The following ADGRF3 variants were observed in gnomAD, a reference collection of about 807,000 sequenced individuals.
ADGRF3 encodes adhesion G protein-coupled receptor F3, also known as G protein-coupled receptor 113.
Under a neutral mutation model 93.2 loss-of-function variants are expected in ADGRF3, and 85 were observed. The ratio of observed to expected loss-of-function variants is 0.91; its 90% CI spans 0.77 to 1.09. The LOEUF (loss-of-function observed/expected upper bound fraction) is 1.09. Among genes scored for constraint, ADGRF3 ranks in the 50% least tolerant of loss-of-function variants. The pLI is 0.00. For synonymous variants in ADGRF3, 534 were observed against 532.5 expected, an observed-to-expected ratio of 1.00 and a Z score of -0.04; for missense variants, 1,125 against 1,246.2, an observed-to-expected ratio of 0.90 and a Z score of 1.46.
At chr2:26,309,273 A>G (rs1673820846) in intron 13 of ADGRF3, 166 bp from the exon 14 acceptor site, 39 of 1,569,608 alleles carry the variant, frequency 2.5e-5, no homozygotes, top group Non-Finnish European at 3.2e-5. Flanking sequence ...AACCAAGTCA[A>G]GGACTGGTGG....
At chr2:26,342,244 T>C (rs1676441854) in intron 1 of ADGRF3, among the ~76,000 whole-genome samples, 1 of 152,182 alleles carries the variant, frequency 6.6e-6, no homozygotes, top group South Asian at 2.1e-4. Context: ...CTCTATACAA[T>C]TGGAACAGCC....
At chr2:26,346,071 G>C in intron 1 of ADGRF3, 50 bp downstream of exon 1, 1 of 1,519,246 alleles carries the variant, frequency 6.6e-7, no homozygotes, top group Non-Finnish European at 8.8e-7. Flanking sequence ...GGCGGCCGAA[G>C]GGGCCGAGGC....
At chr2:26,338,163 C>T (rs1574733500) in intron 1 of ADGRF3, among the ~76,000 whole-genome samples, 1 of 152,132 alleles carries the variant, frequency 6.6e-6, no homozygotes, top group Non-Finnish European at 1.5e-5. Context: ...AAATATTCCA[C>T]ACCTTCACAG....
rs922692690 is a variant in ADGRF3, at chr2:26,308,283, C to A, written c.*803G>T. On this transcript the variant is annotated 3_prime_UTR_variant, in exon 14 of 14. Coordinates refer to ENST00000651242, the MANE Select transcript of ADGRF3 (RefSeq NM_001321971.2). ...AGACCGATTCATCAGACTTTTTTCA[C>A]GTATCTAGTTTAAAAATTTCTCAGA... 1 of 152,034 alleles carries A rather than the reference C, an allele frequency of 6.6e-6. No individual in the cohort carries two copies. Among genetic ancestry groups the A allele is most frequent in the Non-Finnish European group, 1.5e-5 (1 of 68,000 alleles). The allele number at this position is 152,034 out of a possible 1,614,324, so 9.4% of individuals were successfully genotyped here. A position where few individuals can be genotyped will look rare whatever the true frequency, so the allele number is the denominator to read the frequency against.
At chr2:26,320,584 A>G (rs759728148) in intron 1 of ADGRF3, among the ~76,000 whole-genome samples, 1 of 152,224 alleles carries the variant, frequency 6.6e-6, no homozygotes, top group Non-Finnish European at 1.5e-5. Context: ...AAACAAGAAG[A>G]TACTATTTCT....
At chr2:26,326,573 G>T (rs1675445452) in intron 1 of ADGRF3, among the ~76,000 whole-genome samples, 1 of 152,136 alleles carries the variant, frequency 6.6e-6, no homozygotes, top group Admixed American at 6.5e-5. Context: ...ATACAAGTAA[G>T]TAGATTTTAT....
At chr2:26,318,801 A>C in intron 1 of ADGRF3, 16 of 1,155,310 alleles carry the variant, frequency 1.4e-5, no homozygotes, top group Non-Finnish European at 1.8e-5. Flanking sequence ...CTGAGTTCTC[A>C]GAGATCTCAT....
At chr2:26,315,115 G>A (rs1674537072) in intron 5 of ADGRF3, among the ~76,000 whole-genome samples, 2 of 152,202 alleles carry the variant, frequency 1.3e-5, no homozygotes. Context: ...ATCTGCATTT[G>A]CATTCAATCT....
chr2:26,345,868 T>A (rs1676700739), intron 1 of ADGRF3: 1 of 501,822 alleles, frequency 2.0e-6, no homozygotes, highest in Admixed American at 3.5e-5. Context: ...TCACCCCCTC[T>A]CTTGCCTTAC....
At chr2:26,318,911 G>A (rs759468889) in intron 1 of ADGRF3, 1 of 1,550,866 alleles carries the variant, frequency 6.4e-7, no homozygotes, top group Non-Finnish European at 8.7e-7. Context: ...CCAATCAGGG[G>A]TCCCCATTGT....
chr2:26,334,683 A>G (rs954632301), intron 1 of ADGRF3, among the ~76,000 whole-genome samples: 3 of 152,188 alleles, frequency 2.0e-5, no homozygotes, highest in African/African-American at 7.2e-5. Flanking sequence ...GGTTATCCTA[A>G]CAAGCATTCT....
Position 26,316,300 on chromosome 2 carries a change from G to A in ADGRF3, c.474C>T (p.Pro158=), listed in dbSNP as rs762251162. 5.3e-5 allele frequency: 83 copies of A among 1,551,696 alleles called. No individual in the cohort carries two copies. The highest frequency in any genetic ancestry group is 1.6e-4 in the African/African-American group (12 of 73,066). The change falls in exon 4 of 14, where the codon CCC becomes CCT. Residue 158 remains proline, a synonymous_variant. Transcript: ENST00000651242. ...CGCLVFSHPE[P]GYCQLLPPVP... Reference sequence around the variant, plus strand: ...CAGGTGGCAGCAACTGGCAGTACCCGGGTTCGGGATGGCTGAAGACAAGGC... The same window carrying A: ...CAGGTGGCAGCAACTGGCAGTACCCAGGTTCGGGATGGCTGAAGACAAGGC...
At chr2:26,309,698 T>C in intron 12 of ADGRF3, 117 bp from the exon 13 acceptor site, 1 of 1,424,918 alleles carries the variant, frequency 7.0e-7, no homozygotes, top group Non-Finnish European at 9.6e-7. Flanking sequence ...GCTGCAGGAA[T>C]CCTAGAAATT....
At chr2:26,332,837 G>T (rs1178152397) in intron 1 of ADGRF3, among the ~76,000 whole-genome samples, 2 of 151,956 alleles carry the variant, frequency 1.3e-5, no homozygotes, top group Non-Finnish European at 2.9e-5. Flanking sequence ...GGCTGGTCTT[G>T]AACTCCTGGT....
chr2:26,346,412 C>A lies in ADGRF3; in HGVS notation c.-178G>T. 1 of 1,219,532 alleles carries A rather than the reference C, an allele frequency of 8.2e-7. No individual in the cohort carries two copies. Among genetic ancestry groups the A allele is most frequent in the Non-Finnish European group, 1.1e-6 (1 of 916,326 alleles). The allele number at this position is 1,219,532 out of a possible 1,614,324, so 75.5% of individuals were successfully genotyped here. On this transcript the variant is annotated 5_prime_UTR_variant, in exon 1 of 14. Coordinates refer to ENST00000651242, the MANE Select transcript of ADGRF3 (RefSeq NM_001321971.2). Reference sequence around the variant, plus strand: ...GGCTCCGGGCGGGCTGGCGGGCGTTCCTCCGGAGGTCCTGCGGGTCCTGGG... The same window carrying A: ...GGCTCCGGGCGGGCTGGCGGGCGTTACTCCGGAGGTCCTGCGGGTCCTGGG...
chr2:26,308,853 A>C lies in ADGRF3; in HGVS notation c.*233T>G. 1.9e-6 allele frequency: 1 copy of C among 516,298 alleles called. No individual in the cohort carries two copies. 32.0% of individuals were successfully genotyped at this position (516,298 alleles called of 1,614,324 possible). ...TTATTTCTGGAGCAAAGGCAGGCTT[A>C]TTCATTAGGTGCCTTTAGCTAATTT... On this transcript the variant is annotated 3_prime_UTR_variant, in exon 14 of 14. Transcript: ENST00000651242.
chr2:26,336,661 G>A (rs1676058468), intron 1 of ADGRF3, among the ~76,000 whole-genome samples: 1 of 149,018 alleles, frequency 6.7e-6, no homozygotes, highest in Admixed American at 6.7e-5. Flanking sequence ...AGGAGGTGGA[G>A]GTTGCAGTGA....
chr2:26,310,277 A>T, intron 10 of ADGRF3, 40 bp from the exon 11 acceptor site: 1 of 1,609,366 alleles, frequency 6.2e-7, no homozygotes, highest in Non-Finnish European at 8.5e-7. Flanking sequence ...TCAAGGAGGA[A>T]GGGATCCACC....
rs374885087 is a variant in ADGRF3 at position 26,339,046 on chromosome 2, C to T, written c.114+7075G>A. Among the ~76,000 whole-genome samples the T allele has an allele frequency of 2.4e-4, 31 of 128,204 alleles. 1 individual carries two copies. In the South Asian group the frequency reaches 6.2e-3, roughly 26 times the overall value. The allele number at this position is 128,204 out of a possible 152,430, so 84.1% of individuals were successfully genotyped here. A position where few individuals can be genotyped will look rare whatever the true frequency, so the allele number is the denominator to read the frequency against. ...AGAACAATTGCTTGAACCCAGGAGG[C>T]GGAGGTTGCAGTGAGCCAAGATTGC... is the stretch of plus-strand genomic sequence containing the variant. On this transcript the variant is annotated intron_variant, in intron 1 of 13. Coordinates refer to ENST00000651242, the MANE Select transcript of ADGRF3 (RefSeq NM_001321971.2).
Sources: allele counts gnomAD v4.1 joint callset (sites outside exome capture counted in the v4.1 genomes callset), GRCh38; gene constraint gnomAD v4.1.1; transcripts MANE v1.5; gene names NCBI Gene and HGNC (gene_info 2026-07-23, HGNC 2026-07-21).